The following DDX55 variants were observed in gnomAD, a reference collection of about 807,000 sequenced individuals.
DDX55 encodes the protein ATP-dependent RNA helicase DDX55.
In DDX55, 56 loss-of-function variants were observed where a neutral mutation model predicts 69.2. That is an observed-to-expected ratio of 0.81 (90% CI 0.65 to 1.01). DDX55 has a LOEUF of 1.01. Among genes scored for constraint, DDX55 ranks in the 50% least tolerant of loss-of-function variants. DDX55 has a pLI of 0.00. For synonymous variants in DDX55, 268 were observed against 273.1 expected, an observed-to-expected ratio of 0.98 and a Z score of 0.18; for missense variants, 720 against 745.1, an observed-to-expected ratio of 0.97 and a Z score of 0.39.
At chr12:123,613,402 G>T in intron 8 of DDX55, 150 bp downstream of exon 8, 1 of 763,712 alleles carries the variant, frequency 1.3e-6, no homozygotes, top group South Asian at 2.0e-5. Flanking sequence ...TTTGTTGTCC[G>T]AACAAGGTTG....
chr12:123,608,433 C>T, intron 5 of DDX55: 1 of 393,738 alleles, frequency 2.5e-6, no homozygotes. Flanking sequence ...GGACAGGCAG[C>T]AGCCCAGGTT....
chr12:123,602,813 G>A (rs1953648542), intron 1 of DDX55, among the ~76,000 whole-genome samples: 1 of 152,176 alleles, frequency 6.6e-6, no homozygotes, highest in Non-Finnish European at 1.5e-5. Flanking sequence ...TTCAGCTGCT[G>A]GTAAGTGTTA....
intron 8 of DDX55, among the ~76,000 whole-genome samples, chr12:123,614,731 C>G (rs550708539): frequency 3.3e-5 from 5 of 152,154 alleles, no homozygotes; most frequent in African/African-American, 1.2e-4. Context: ...ATCTGACTGG[C>G]CTAGCTTGGG....
intron 11 of DDX55, 66 bp from the exon 12 acceptor site, chr12:123,618,603 A>G: frequency 6.3e-7 from 1 of 1,576,934 alleles, no homozygotes; most frequent in Non-Finnish European, 8.6e-7. Context: ...CTTGGTTGTG[A>G]TGGGGAGCCC....
chr12:123,610,768 C>T (rs1954176172), intron 7 of DDX55, among the ~76,000 whole-genome samples: 2 of 151,398 alleles, frequency 1.3e-5, no homozygotes, highest in South Asian at 2.1e-4. Flanking sequence ...CCCGCCACCA[C>T]GCCCGGCTAA....
At chr12:123,608,657 A>G (rs1306940176) in intron 5 of DDX55, 23 bp from the exon 6 acceptor site, 1 of 1,609,388 alleles carries the variant, frequency 6.2e-7, no homozygotes, top group East Asian at 2.2e-5. Flanking sequence ...AGAGTTTGGT[A>G]AATGTTAACT....
Position 123,618,709 on chromosome 12 carries a change from A to C in DDX55, c.1205A>C (p.Asp402Ala). Residue 402 changes from aspartate (D) to alanine (A), a missense_variant, in exon 12 of 14, where the codon GAC becomes GCC. Physicochemically the swap from Asp to Ala is moderately radical, Grantham distance 126. Transcript: ENST00000238146. The part of the protein sequence containing the change: ...QEMKPQRNTA[D>A]LLPKLKSMAL... ...ATGAAGCCCCAGAGAAACACAGCGG[A>C]CCTTCTGCCAAAACTCAAGTCCATG... 6.2e-7 allele frequency: 1 copy of C among 1,614,120 alleles called. No homozygotes were observed. Among genetic ancestry groups the C allele is most frequent in the Non-Finnish European group, 8.5e-7 (1 of 1,180,014 alleles).
At chr12:123,606,028 A>G in intron 2 of DDX55, 45 bp from the exon 3 acceptor site, 1 of 1,607,042 alleles carries the variant, frequency 6.2e-7, no homozygotes, top group South Asian at 1.1e-5. Context: ...TCTCCCTCAG[A>G]TGAACTCTGA....
At position 123,618,847 on chromosome 12, in the gene DDX55, ACTT is replaced by A. The variant is rs761594175; in HGVS notation, c.1333+15_1333+17del. ...ATTTTCAGATTAAAGGGTAAGTTGG[ACTT>A]CTTCATGTGATAATGTCTCCATCTT... On this transcript the variant is annotated intron_variant, in intron 12 of 13. Transcript: ENST00000238146. 1.2e-5 allele frequency: 20 copies of A among 1,612,982 alleles called. No individual in the cohort carries two copies. The highest frequency in any genetic ancestry group is 1.4e-5 in the Non-Finnish European group (17 of 1,179,268).
At chr12:123,609,809 A>G in intron 6 of DDX55, 130 bp from the exon 7 acceptor site, 1 of 1,059,498 alleles carries the variant, frequency 9.4e-7, no homozygotes. Flanking sequence ...CTCACCTCCC[A>G]GTGTATGTGC....
intron 7 of DDX55, among the ~76,000 whole-genome samples, chr12:123,611,719 A>G (rs1388063393): frequency 6.6e-6 from 1 of 152,210 alleles, no homozygotes; most frequent in Non-Finnish European, 1.5e-5. Flanking sequence ...GAGTGTTGTC[A>G]AAATCAGATA....
intron 11 of DDX55, 37 bp downstream of exon 11, chr12:123,617,909 G>A: frequency 6.5e-7 from 1 of 1,544,088 alleles, no homozygotes; most frequent in Non-Finnish European, 8.9e-7. Flanking sequence ...AATGCCTAGT[G>A]ACGGGGTAGC....
At chr12:123,606,562 A>G (rs965366677) in intron 3 of DDX55, among the ~76,000 whole-genome samples, 2 of 147,406 alleles carry the variant, frequency 1.4e-5, no homozygotes, top group African/African-American at 2.5e-5. Flanking sequence ...TTCGTCATTT[A>G]TTTAGTGCCA....
chr12:123,610,825 G>T (rs1954179739), intron 7 of DDX55, among the ~76,000 whole-genome samples: 1 of 151,236 alleles, frequency 6.6e-6, no homozygotes, highest in African/African-American at 2.4e-5. Context: ...CTCCTGACCT[G>T]GTGATCCACC....
rs1955058414 is a variant in DDX55, at chr12:123,620,583, TATATATATATATATA to T, written c.*444_*458del. On this transcript the variant is annotated 3_prime_UTR_variant, in exon 14 of 14. Coordinates refer to ENST00000238146, the MANE Select transcript of DDX55 (RefSeq NM_020936.3). Reference sequence around the variant, plus strand: ...CACATATAGACATATGTACATATTATATATATATATATATATATATATATATATATATATATATAT... The same window carrying T: ...CACATATAGACATATGTACATATTATTATATATATATATATATATATATAT... 5 of 25,456 alleles carry T rather than the reference TATATATATATATATA, an allele frequency of 2.0e-4. No homozygotes were observed. Among genetic ancestry groups the T allele is most frequent in the African/African-American group, 6.6e-4 (5 of 7,558 alleles). 1.6% of individuals were successfully genotyped at this position (25,456 alleles called of 1,614,324 possible).
At chr12:123,603,685 G>A (rs937470833) in intron 1 of DDX55, among the ~76,000 whole-genome samples, 2 of 151,222 alleles carry the variant, frequency 1.3e-5, no homozygotes, top group South Asian at 2.1e-4. Flanking sequence ...TACCGCACCC[G>A]GCTGATTTTT....
intron 1 of DDX55, 111 bp downstream of exon 1, chr12:123,602,367 C>G: frequency 1.0e-6 from 1 of 1,000,706 alleles, no homozygotes. Flanking sequence ...GCTCATCCCT[C>G]CAGCTGGGGC....
At chr12:123,611,247 G>C (rs1044529171) in intron 7 of DDX55, among the ~76,000 whole-genome samples, 11 of 152,214 alleles carry the variant, frequency 7.2e-5, no homozygotes, top group African/African-American at 2.7e-4. Context: ...GGCTTCTGTA[G>C]TTTCTTCACA....
chr12:123,608,829 G>A lies in DDX55; in HGVS notation c.551G>A (p.Ser184Asn). 1.2e-6 allele frequency: 2 copies of A among 1,612,876 alleles called. No homozygotes were observed. The highest frequency in any genetic ancestry group is 1.7e-6 in the Non-Finnish European group (2 of 1,179,232). Reference protein sequence around the residue: ...DRLLDMGFEASINTILEFLPK... With the variant: ...DRLLDMGFEANINTILEFLPK... Reference sequence around the variant, plus strand: ...CTTCTGGACATGGGGTTTGAGGCAAGGTACTGGACTTTGGACTTCACTGGC... The same window carrying A: ...CTTCTGGACATGGGGTTTGAGGCAAAGTACTGGACTTTGGACTTCACTGGC... Residue 184 changes from serine (S) to asparagine (N), a missense_variant and splice_region_variant, in exon 6 of 14, where the codon AGC becomes AAC. By Grantham distance (46) the Ser-to-Asn change is conservative (BLOSUM62 1). Transcript: ENST00000238146.
Sources: allele counts gnomAD v4.1 joint callset (sites outside exome capture counted in the v4.1 genomes callset), GRCh38; gene constraint gnomAD v4.1.1; transcripts MANE v1.5; gene names NCBI Gene and HGNC (gene_info 2026-07-23, HGNC 2026-07-21).